HEATR3: variants seen among roughly 807,000 people sequenced by gnomAD.
The protein encoded by HEATR3 is HEAT repeat-containing protein 3.
HEATR3 carries 56 observed loss-of-function variants against 72.8 expected under a neutral mutation model. That is an observed-to-expected ratio of 0.77 (90% CI 0.62 to 0.96). HEATR3 has a LOEUF of 0.96. HEATR3 is among the 40% of genes least tolerant of loss of function. The probability of loss-of-function intolerance (pLI) is 0.00; values close to 1 mark genes in which losing one functional copy is unlikely to be tolerated. For missense variants in HEATR3, 747 were observed against 831.4 expected (o/e 0.90, Z 1.25); for synonymous variants, 331 against 318.1 (o/e 1.04, Z -0.43).
intron 7 of HEATR3, among the ~76,000 whole-genome samples, chr16:50,081,690 T>G (rs2036871263): frequency 6.6e-6 from 1 of 152,182 alleles, no homozygotes; most frequent in Non-Finnish European, 1.5e-5. Context: ...CAGTGTCTTC[T>G]GCAGCACTCC....
intron 12 of HEATR3, among the ~76,000 whole-genome samples, chr16:50,097,731 A>G (rs987443092): frequency 1.2e-4 from 18 of 152,072 alleles, no homozygotes; most frequent in Non-Finnish European, 2.9e-5. Flanking sequence ...CCTGACCCAC[A>G]TGGCGAAACT....
chr16:50,075,452 A>G, intron 5 of HEATR3, 119 bp from the exon 6 acceptor site: 1 of 910,654 alleles, frequency 1.1e-6, no homozygotes, highest in Non-Finnish European at 1.7e-6. Context: ...ATATTTTGCA[A>G]AACCTACATG....
chr16:50,067,383 A>T (rs1381952555), intron 2 of HEATR3, among the ~76,000 whole-genome samples: 3 of 151,824 alleles, frequency 2.0e-5, no homozygotes, highest in Admixed American at 6.6e-5. Context: ...TCTTTAGATG[A>T]CTTGTGAAAG....
intron 11 of HEATR3, among the ~76,000 whole-genome samples, chr16:50,092,056 G>C (rs188575834): frequency 6.8e-4 from 103 of 152,138 alleles, no homozygotes; most frequent in African/African-American, 2.4e-3. Context: ...CAACAAATTG[G>C]CTGGACGGAG....
Position 50,066,287 on chromosome 16 carries a change from T to G in HEATR3, c.138+18T>G. ...TGGAAAAGGTGAGGCGAGGGCTCCG[T>G]CGGGCCGGGAGGCGAGACGAGGTTG... On this transcript the variant is annotated intron_variant, in intron 1 of 14. Transcript: ENST00000299192. 1.9e-6 allele frequency: 3 copies of G among 1,577,632 alleles called. No individual in the cohort carries two copies. The highest frequency in any genetic ancestry group is 2.6e-6 in the Non-Finnish European group (3 of 1,166,558).
chr16:50,100,428 A>G, intron 13 of HEATR3, 55 bp downstream of exon 13: 3 of 1,549,638 alleles, frequency 1.9e-6, no homozygotes, highest in Admixed American at 1.7e-5. Context: ...TGGGAGAAGA[A>G]CTGTTGGTGT....
At chr16:50,079,166 T>A in intron 7 of HEATR3, 148 bp downstream of exon 7, 2 of 744,438 alleles carry the variant, frequency 2.7e-6, no homozygotes, top group South Asian at 3.8e-5. Context: ...CTGTTGATTC[T>A]CTTTATGTCA....
rs2037491189 is a variant in HEATR3, at chr16:50,106,571, A to G, written c.*1510A>G. 6.6e-6 allele frequency: 1 copy of G among 152,132 alleles called. No homozygotes were observed. Among genetic ancestry groups the G allele is most frequent in the South Asian group, 2.1e-4 (1 of 4,826 alleles). 9.4% of individuals were successfully genotyped at this position (152,132 alleles called of 1,614,324 possible). A position where few individuals can be genotyped will look rare whatever the true frequency, so the allele number is the denominator to read the frequency against. The stretch of plus-strand genomic sequence containing the variant: ...CTCAGTGTCTTCGAAGTACTAGGTG[A>G]CAGCTGGGGCTCGAGGGAGTTTCCC... On this transcript the variant is annotated 3_prime_UTR_variant, in exon 15 of 15. Coordinates refer to ENST00000299192, the MANE Select transcript of HEATR3 (RefSeq NM_182922.4).
rs549631325 is a variant in HEATR3 at position 50,103,679 on chromosome 16, GCCA to G, written c.1920+1246_1920+1248del. Among the ~76,000 whole-genome samples, 41 of 152,252 alleles carry G rather than the reference GCCA, an allele frequency of 2.7e-4. No homozygotes were observed. In the East Asian group the frequency reaches 7.5e-3, roughly 28 times the overall value. On this transcript the variant is annotated intron_variant, in intron 14 of 14. Coordinates refer to ENST00000299192, the MANE Select transcript of HEATR3 (RefSeq NM_182922.4). ...TACCGTTGCACACTAAAACCTGAGAGCCACTGCTCTAGACTAGAGGTGAGATCA... is the reference window on the plus strand; with the variant it reads ...TACCGTTGCACACTAAAACCTGAGAGCTGCTCTAGACTAGAGGTGAGATCA...
intron 11 of HEATR3, among the ~76,000 whole-genome samples, chr16:50,090,139 G>T (rs1243464554): frequency 6.6e-6 from 1 of 152,066 alleles, no homozygotes; most frequent in Non-Finnish European, 1.5e-5. Context: ...AGGATCACAT[G>T]AGCCCAAGAG....
At chr16:50,090,006 T>C (rs553961287) in intron 11 of HEATR3, among the ~76,000 whole-genome samples, 2 of 152,212 alleles carry the variant, frequency 1.3e-5, no homozygotes, top group Admixed American at 1.3e-4. Context: ...GCATTTGGGA[T>C]TTATTAATAA....
chr16:50,106,089 G>A lies in HEATR3; in HGVS notation c.*1028G>A, dbSNP rs1311454479. 1 of 152,126 alleles carries A rather than the reference G, an allele frequency of 6.6e-6. No homozygotes were observed. Among genetic ancestry groups the A allele is most frequent in the Non-Finnish European group, 1.5e-5 (1 of 68,016 alleles). 9.4% of individuals were successfully genotyped at this position (152,126 alleles called of 1,614,324 possible). A position where few individuals can be genotyped will look rare whatever the true frequency, so the allele number is the denominator to read the frequency against. ...AGAAAGAAAATCCAAAGCATTGCTTGGATGTTCTTTTAAGGCATTTTATAT... is the reference window on the plus strand; with the variant it reads ...AGAAAGAAAATCCAAAGCATTGCTTAGATGTTCTTTTAAGGCATTTTATAT... On this transcript the variant is annotated 3_prime_UTR_variant, in exon 15 of 15. Coordinates refer to ENST00000299192, the MANE Select transcript of HEATR3 (RefSeq NM_182922.4).
intron 12 of HEATR3, among the ~76,000 whole-genome samples, chr16:50,097,974 G>A (rs1031982821): frequency 1.3e-5 from 2 of 151,410 alleles, no homozygotes; most frequent in African/African-American, 4.8e-5. Flanking sequence ...AAGAAGCTCT[G>A]ATTTCTTTAG....
intron 6 of HEATR3, among the ~76,000 whole-genome samples, chr16:50,077,969 T>C (rs2036776701): frequency 6.8e-6 from 1 of 146,910 alleles, no homozygotes; most frequent in South Asian, 2.2e-4. Flanking sequence ...CTCTGCCTCC[T>C]GGGTTCAAGT....
chr16:50,066,090 G>T lies in HEATR3; in HGVS notation c.-42G>T. The stretch of plus-strand genomic sequence containing the variant: ...GCGGCAGCCTCCACCGCCTGCTGTT[G>T]CCCTCCTCTCTCGGTGGTCTGTCCG... On this transcript the variant is annotated 5_prime_UTR_variant, in exon 1 of 15. Coordinates refer to ENST00000299192, the MANE Select transcript of HEATR3 (RefSeq NM_182922.4). 1 of 1,554,398 alleles carries T rather than the reference G, an allele frequency of 6.4e-7. No homozygotes were observed.
At chr16:50,072,845 C>CT in intron 5 of HEATR3, 131 bp downstream of exon 5, 1 of 643,382 alleles carries the variant, frequency 1.6e-6, no homozygotes, top group African/African-American at 1.9e-5. Flanking sequence ...AGCTCAGCAC[C>CT]TGTTTTTTCT....
In HEATR3 at chr16:50,078,911, A is replaced by G. The variant is rs1453914093; in HGVS notation, c.934A>G (p.Ile312Val). 3 of 1,614,160 alleles carry G rather than the reference A, an allele frequency of 1.9e-6. No individual in the cohort carries two copies. In the African/African-American group the frequency reaches 4.0e-5, roughly 22 times the overall value. ...AAAAACTGCTGCAGAGGCTGAGGAA[A>G]TATTAGAGAACACTAATGGGGATGA... The part of the protein sequence containing the change: ...RLKTAAEAEE[I>V]LENTNGDDLI... Residue 312 changes from isoleucine to valine, a missense_variant, in exon 7 of 15, where the codon ATA becomes GTA. Ile to Val is a conservative substitution (Grantham distance 29). Transcript: ENST00000299192.
At chr16:50,099,282 A>G (rs2037314952) in intron 12 of HEATR3, among the ~76,000 whole-genome samples, 1 of 152,122 alleles carries the variant, frequency 6.6e-6, no homozygotes, top group Non-Finnish European at 1.5e-5. Flanking sequence ...TTATGGGATC[A>G]GTGTGATGGT....
chr16:50,089,856 C>T (rs1363569242), intron 11 of HEATR3, among the ~76,000 whole-genome samples: 2 of 151,842 alleles, frequency 1.3e-5, no homozygotes, highest in Non-Finnish European at 2.9e-5. Context: ...TTTATAGAGA[C>T]GGGTTTCACC....
Sources: gnomAD v4.1 joint callset for allele counts (sites outside exome capture counted in the v4.1 genomes callset) on GRCh38, gnomAD v4.1.1 for gene constraint, MANE v1.5 for transcripts, NCBI Gene and HGNC (gene_info 2026-07-23, HGNC 2026-07-21) for gene names.